The following PUM2 variants were observed in gnomAD, a reference collection of about 807,000 sequenced individuals.
The protein encoded by PUM2 is pumilio RNA binding family member 2.
In PUM2, 57 loss-of-function variants were observed where a neutral mutation model predicts 124.5. That is an observed-to-expected ratio of 0.46 (90% CI 0.37 to 0.57). PUM2 has a LOEUF of 0.57. Among genes scored for constraint, PUM2 ranks in the 20% least tolerant of loss-of-function variants. The pLI, the probability that PUM2 is intolerant of heterozygous loss-of-function variation, is 0.00. For synonymous variants in PUM2, 460 were observed against 446.1 expected (o/e 1.03, Z -0.39); for missense variants, 1,065 against 1,290.6 (o/e 0.83, Z 2.68).
At chr2:20,345,071 T>G (rs1445624545) in intron 1 of PUM2, among the ~76,000 whole-genome samples, 2 of 149,938 alleles carry the variant, frequency 1.3e-5, no homozygotes, top group East Asian at 2.0e-4. Context: ...TACCTACATG[T>G]GTCCACAGCA....
chr2:20,267,664 GTA>G (rs1159173834), intron 13 of PUM2, among the ~76,000 whole-genome samples: 6 of 152,328 alleles, frequency 3.9e-5, no homozygotes, highest in Admixed American at 3.9e-4. Context: ...GCCTAAGAGT[GTA>G]TATAGGACAT....
intron 9 of PUM2, among the ~76,000 whole-genome samples, chr2:20,291,029 G>GT (rs1468316315): frequency 1.3e-5 from 2 of 152,048 alleles, no homozygotes; most frequent in Non-Finnish European, 2.9e-5. Flanking sequence ...AAAATCTTTG[G>GT]TTAAAAACTA....
intron 13 of PUM2, among the ~76,000 whole-genome samples, chr2:20,264,367 A>AAATATATAT (rs1553362305): frequency 7.5e-5 from 2 of 26,614 alleles, no homozygotes; most frequent in East Asian, 1.5e-3. Flanking sequence ...AAAAAAAAAA[A>AAATATATAT]ATATATATAT....
intron 1 of PUM2, among the ~76,000 whole-genome samples, chr2:20,328,987 ATGGCGACACTCGAT>A (rs1684294320): frequency 6.6e-6 from 1 of 152,080 alleles, no homozygotes; most frequent in Non-Finnish European, 1.5e-5. Flanking sequence ...CCTGGGCAAC[ATGGCGACACTCGAT>A]TTTTACAAGA....
At chr2:20,279,748 T>C (rs1447059574) in intron 12 of PUM2, among the ~76,000 whole-genome samples, 2 of 152,162 alleles carry the variant, frequency 1.3e-5, no homozygotes, top group East Asian at 3.8e-4. Context: ...GAAGAGCTAA[T>C]CAAGATCTGG....
At chr2:20,283,513 A>C (rs1672042739) in intron 10 of PUM2, 27 bp from the exon 11 acceptor site, 2 of 1,574,290 alleles carry the variant, frequency 1.3e-6, no homozygotes, top group Admixed American at 1.9e-5. Context: ...TTTACTAATG[A>C]AAGCACTTAT....
intron 7 of PUM2, among the ~76,000 whole-genome samples, chr2:20,303,939 A>G (rs554885073): frequency 1.3e-5 from 2 of 152,146 alleles, no homozygotes; most frequent in South Asian, 4.1e-4. Context: ...CACAACTTTA[A>G]AGTTCCCTTC....
At chr2:20,261,688 C>G (rs1372270862) in intron 14 of PUM2, among the ~76,000 whole-genome samples, 1 of 152,056 alleles carries the variant, frequency 6.6e-6, no homozygotes, top group East Asian at 1.9e-4. Context: ...AACTGATGAT[C>G]TTTACACTGT....
chr2:20,254,750 C>CAAA, intron 19 of PUM2, 113 bp downstream of exon 19: 1 of 994,574 alleles, frequency 1.0e-6, no homozygotes, highest in Non-Finnish European at 1.4e-6. Context: ...TTAATGATAC[C>CAAA]AAAAAAAAAA....
At chr2:20,301,497 T>C (rs1483353856) in intron 7 of PUM2, among the ~76,000 whole-genome samples, 2 of 152,266 alleles carry the variant, frequency 1.3e-5, no homozygotes, top group Non-Finnish European at 2.9e-5. Context: ...TATATACTCA[T>C]TCATTTTGTA....
chr2:20,344,972 G>C (rs1346160521), intron 1 of PUM2, among the ~76,000 whole-genome samples: 1 of 106,836 alleles, frequency 9.4e-6, no homozygotes, highest in Non-Finnish European at 1.7e-5. Context: ...AACGGAGGGA[G>C]ACTCTGTCTC....
At chr2:20,344,982 C>CAAAAAAAAAA (rs762460030) in intron 1 of PUM2, among the ~76,000 whole-genome samples, 26 of 66,154 alleles carry the variant, frequency 3.9e-4, no homozygotes, top group East Asian at 6.0e-4. Flanking sequence ...GACTCTGTCT[C>CAAAAAAAAAA]AAAAAAAAAA....
intron 12 of PUM2, among the ~76,000 whole-genome samples, chr2:20,282,048 T>C (rs1223505641): frequency 6.6e-6 from 1 of 152,182 alleles, no homozygotes; most frequent in Admixed American, 6.5e-5. Context: ...GCAAGTTATG[T>C]TATAGAAACA....
At chr2:20,269,290 T>A (rs1465460310) in intron 13 of PUM2, among the ~76,000 whole-genome samples, 2 of 152,078 alleles carry the variant, frequency 1.3e-5, no homozygotes, top group Non-Finnish European at 2.9e-5. Flanking sequence ...AAGCTCCGCC[T>A]CCCAGGTTCA....
At chr2:20,283,519 C>T (rs1050439855) in intron 10 of PUM2, 33 bp from the exon 11 acceptor site, 2 of 1,566,696 alleles carry the variant, frequency 1.3e-6, no homozygotes, top group East Asian at 2.3e-5. Context: ...AATGAAAGCA[C>T]TTATTACAAA....
chr2:20,344,110 C>T (rs1366286310), intron 1 of PUM2, among the ~76,000 whole-genome samples: 2 of 152,084 alleles, frequency 1.3e-5, no homozygotes, highest in African/African-American at 4.8e-5. Flanking sequence ...CTCTGTTGCC[C>T]ATGCTGCAGT....
At chr2:20,328,342 CA>C (rs896816444) in intron 1 of PUM2, among the ~76,000 whole-genome samples, 1 of 151,458 alleles carries the variant, frequency 6.6e-6, no homozygotes, top group East Asian at 1.9e-4. Context: ...AACAAACAAA[CA>C]AAAAAAACAC....
intron 1 of PUM2, chr2:20,331,863 T>TC (rs907625850): frequency 1.3e-5 from 2 of 152,158 alleles, no homozygotes; most frequent in Admixed American, 1.3e-4. Flanking sequence ...AGTGTAGGAG[T>TC]CAACATTTTA....
intron 5 of PUM2, among the ~76,000 whole-genome samples, chr2:20,309,809 C>T (rs1451631935): frequency 1.3e-5 from 2 of 152,088 alleles, no homozygotes; most frequent in African/African-American, 4.8e-5. Context: ...GAGTAGTTTA[C>T]AAAGCAATTT....
Sources: allele counts gnomAD v4.1 joint callset (sites outside exome capture counted in the v4.1 genomes callset), GRCh38; gene constraint gnomAD v4.1.1; transcripts MANE v1.5; gene names NCBI Gene and HGNC (gene_info 2026-07-23, HGNC 2026-07-21).